The following SPATA18 variants were observed in gnomAD, a reference collection of about 807,000 sequenced individuals.
SPATA18 encodes spermatogenesis associated 18.
A neutral mutation model predicts 68.1 loss-of-function variants in SPATA18; 54 were observed. That is an observed-to-expected ratio of 0.79 (90% confidence interval 0.64 to 0.99). The LOEUF is 0.99. Among genes scored for constraint, SPATA18 ranks in the 50% least tolerant of loss-of-function variants. The pLI is 0.00. For synonymous variants in SPATA18, 242 were observed against 244.8 expected, an observed-to-expected ratio of 0.99 and a Z score of 0.11; for missense variants, 724 against 681.1, an observed-to-expected ratio of 1.06 and a Z score of -0.70.
chr4:52,053,024 T>C (rs1738033178), intron 1 of SPATA18, among the ~76,000 whole-genome samples: 1 of 152,224 alleles, frequency 6.6e-6, no homozygotes, highest in Non-Finnish European at 1.5e-5. Flanking sequence ...TCCCCCCAAC[T>C]AATTTTAAAA....
chr4:52,070,884 G>T (rs1739774860), intron 5 of SPATA18, among the ~76,000 whole-genome samples: 1 of 151,324 alleles, frequency 6.6e-6, no homozygotes, highest in Admixed American at 6.6e-5. Flanking sequence ...AGTAAGTGGG[G>T]GGGGGGGTGT....
chr4:52,057,559 G>A (rs568814397), intron 1 of SPATA18, among the ~76,000 whole-genome samples: 4 of 152,294 alleles, frequency 2.6e-5, no homozygotes, highest in African/African-American at 9.6e-5. Flanking sequence ...GCAAGGCATA[G>A]GAATAGATAG....
chr4:52,060,645 T>A, intron 2 of SPATA18, 121 bp downstream of exon 2: 1 of 1,139,638 alleles, frequency 8.8e-7, no homozygotes, highest in East Asian at 2.4e-5. Flanking sequence ...GATGACCTGA[T>A]GTGTGTATTC....
chr4:52,094,906 T>C lies in SPATA18; in HGVS notation c.*19T>C, dbSNP rs755114225. ...ATTTTAAAAGCACCAGACCTGCTCC[T>C]TTGACCCAGTGCGTGGAAACAGCTG... On this transcript the variant is annotated 3_prime_UTR_variant, in exon 13 of 13. Coordinates refer to ENST00000295213, the MANE Select transcript of SPATA18 (RefSeq NM_145263.4). 1.2e-6 allele frequency: 2 copies of C among 1,613,930 alleles called. No homozygotes were observed. The highest frequency in any genetic ancestry group is 2.7e-5 in the African/African-American group (2 of 74,940).
At chr4:52,063,616 A>G (rs540715409) in intron 4 of SPATA18, among the ~76,000 whole-genome samples, 1 of 152,266 alleles carries the variant, frequency 6.6e-6, no homozygotes, top group South Asian at 2.1e-4. Context: ...ATTTTCTGTA[A>G]ACATTCAGCT....
chr4:52,060,660 T>TC (rs1738755011), intron 2 of SPATA18, 122 bp from the exon 3 acceptor site: 2 of 817,254 alleles, frequency 2.4e-6, no homozygotes, highest in Non-Finnish European at 1.8e-6. Context: ...GTATTCTCTC[T>TC]TTTTTTTTTA....
At position 52,060,965 on chromosome 4, in the gene SPATA18, GAGA is replaced by G. The variant is rs999345264; in HGVS notation, c.309+75_309+77del. ...GATAAAACGAATCAGAAACCTCCAA[GAGA>G]AGAAGAGGACTTGATTTTGGTAGAC... On this transcript the variant is annotated intron_variant, in intron 3 of 12. Transcript: ENST00000295213. 7.2e-5 allele frequency: 92 copies of G among 1,272,540 alleles called. No homozygotes were observed. In the East Asian group the frequency reaches 1.5e-3, roughly 21 times the overall value. The allele number at this position is 1,272,540 out of a possible 1,614,324, so 78.8% of individuals were successfully genotyped here.
In SPATA18 at chr4:52,076,914, C is replaced by T. The variant is rs1740411692; in HGVS notation, c.894C>T (p.Arg298=). Residue 298 remains arginine (R), a synonymous_variant, in exon 7 of 13, where the codon CGC becomes CGT. Transcript: ENST00000295213. ...GCTCCAAGCTGTCCAATGTGGCGCG[C>T]AAGGCTGCCCTCTTGTCCCGGTTCA... ...PNRSKLSNVA[R]KAALLSRFSD... is the part of the protein sequence containing the mutation. 1 of 1,614,202 alleles carries T rather than the reference C, an allele frequency of 6.2e-7. No individual in the cohort carries two copies. The highest frequency in any genetic ancestry group is 8.5e-7 in the Non-Finnish European group (1 of 1,180,040).
At chr4:52,062,420 G>A in intron 4 of SPATA18, 88 bp downstream of exon 4, 1 of 881,170 alleles carries the variant, frequency 1.1e-6, no homozygotes, top group South Asian at 1.5e-5. Flanking sequence ...AATGGCTCAT[G>A]TAAAATGTGG....
intron 1 of SPATA18, among the ~76,000 whole-genome samples, chr4:52,055,629 C>CAA (rs1738270932): frequency 6.6e-6 from 1 of 152,094 alleles, no homozygotes; most frequent in Non-Finnish European, 1.5e-5. Context: ...CTGTGGTTAT[C>CAA]AATCTTCATT....
chr4:52,071,543 A>G (rs1739841219), intron 5 of SPATA18, among the ~76,000 whole-genome samples: 1 of 152,186 alleles, frequency 6.6e-6, no homozygotes, highest in African/African-American at 2.4e-5. Flanking sequence ...AGGGTAGGAG[A>G]TTGTATTTTA....
chr4:52,079,483 G>A (rs1203573196), intron 8 of SPATA18, among the ~76,000 whole-genome samples: 1 of 152,174 alleles, frequency 6.6e-6, no homozygotes, highest in African/African-American at 2.4e-5. Flanking sequence ...ATAAATAAAA[G>A]CCACAGAAGG....
At position 52,084,906 on chromosome 4, in the gene SPATA18, C is replaced by CTT; in HGVS notation, c.1480-5_1480-4dup. On this transcript the variant is annotated splice_polypyrimidine_tract_variant and intron_variant, in intron 10 of 12. Coordinates refer to ENST00000295213, the MANE Select transcript of SPATA18 (RefSeq NM_145263.4). ...TGACTATGTCTCTCTCTTTCTCTCT[C>CTT]TTTTTTAAGTGGAATTCGGTGCGAT... 1 of 1,613,706 alleles carries CTT rather than the reference C, an allele frequency of 6.2e-7. No individual in the cohort carries two copies. The highest frequency in any genetic ancestry group is 8.5e-7 in the Non-Finnish European group (1 of 1,179,764).
intron 5 of SPATA18, among the ~76,000 whole-genome samples, chr4:52,071,291 G>A (rs1476242477): frequency 6.6e-6 from 1 of 151,986 alleles, no homozygotes; most frequent in Non-Finnish European, 1.5e-5. Context: ...GTTTTATGGT[G>A]GCCATGCCAC....
chr4:52,066,681 T>A (rs1230944488), intron 4 of SPATA18, among the ~76,000 whole-genome samples: 1 of 152,050 alleles, frequency 6.6e-6, no homozygotes, highest in East Asian at 1.9e-4. Flanking sequence ...CAGAGCCCAG[T>A]GTGTATTGTT....
chr4:52,075,858 C>T (rs149147353), intron 6 of SPATA18, among the ~76,000 whole-genome samples: 22 of 152,272 alleles, frequency 1.4e-4, no homozygotes, highest in African/African-American at 4.8e-4. Context: ...TGACCATATG[C>T]GTGACCTTTC....
At chr4:52,056,549 A>C (rs1459544944) in intron 1 of SPATA18, among the ~76,000 whole-genome samples, 2 of 120,594 alleles carry the variant, frequency 1.7e-5, no homozygotes, top group Non-Finnish European at 4.2e-5. Flanking sequence ...AAGGTCCTGC[A>C]GGCCCCCTGA....
At chr4:52,086,191 G>T (rs527984814) in intron 11 of SPATA18, among the ~76,000 whole-genome samples, 293 of 152,228 alleles carry the variant, frequency 1.9e-3, no homozygotes, top group Non-Finnish European at 3.5e-3. Flanking sequence ...CCCCAAAGTT[G>T]CAAAACTTCC....
At chr4:52,064,874 G>C (rs1739189602) in intron 4 of SPATA18, among the ~76,000 whole-genome samples, 1 of 152,178 alleles carries the variant, frequency 6.6e-6, no homozygotes, top group Non-Finnish European at 1.5e-5. Flanking sequence ...GGTTGTACTA[G>C]TTTACATTCC....
Sources: allele counts gnomAD v4.1 joint callset (sites outside exome capture counted in the v4.1 genomes callset), GRCh38; gene constraint gnomAD v4.1.1; transcripts MANE v1.5; gene names NCBI Gene and HGNC (gene_info 2026-07-23, HGNC 2026-07-21).